The following SDK1 variants were observed in gnomAD, a reference collection of about 807,000 sequenced individuals.
SDK1 encodes sidekick cell adhesion molecule 1.
A neutral mutation model predicts 245.5 loss-of-function variants in SDK1; 157 were observed. The observed-to-expected ratio is 0.64, with a 90% CI of 0.56 to 0.73. The LOEUF is 0.73. Among genes scored for constraint, SDK1 ranks in the 30% least tolerant of loss-of-function variants. The probability of loss-of-function intolerance (pLI) is 0.00; values close to 1 mark genes in which losing one functional copy is unlikely to be tolerated. For synonymous variants in SDK1, 1,647 were observed against 1,278.5 expected, an observed-to-expected ratio of 1.29 and a Z score of -6.15; for missense variants, 3,583 against 3,002.3, an observed-to-expected ratio of 1.19 and a Z score of -4.52.
At chr7:3,678,495 C>A (rs1783979350) in intron 4 of SDK1, among the ~76,000 whole-genome samples, 1 of 152,182 alleles carries the variant, frequency 6.6e-6, no homozygotes, top group Non-Finnish European at 1.5e-5. Context: ...GAAAACTAAT[C>A]ATTCACTATG....
intron 4 of SDK1, among the ~76,000 whole-genome samples, chr7:3,674,874 A>G (rs115106396): frequency 1.3e-5 from 2 of 152,084 alleles, no homozygotes; most frequent in Non-Finnish European, 2.9e-5. Context: ...ATGCTGGTAG[A>G]CTCAAGCCAA....
At chr7:3,702,066 G>C (rs1784757021) in intron 4 of SDK1, among the ~76,000 whole-genome samples, 1 of 152,012 alleles carries the variant, frequency 6.6e-6, no homozygotes, top group African/African-American at 2.4e-5. Flanking sequence ...AAACCTCTGG[G>C]GTTTAGAACT....
chr7:3,934,688 G>A (rs887812673), intron 5 of SDK1, among the ~76,000 whole-genome samples: 3 of 152,234 alleles, frequency 2.0e-5, no homozygotes, highest in African/African-American at 7.2e-5. Flanking sequence ...AAGGAGTGGG[G>A]CCGATAAGCA....
intron 44 of SDK1, among the ~76,000 whole-genome samples, chr7:4,258,005 C>T (rs572141235): frequency 3.0e-4 from 45 of 152,328 alleles, no homozygotes; most frequent in Non-Finnish European, 4.4e-4. Flanking sequence ...GGAATCACTG[C>T]GAGTTGGACG....
intron 4 of SDK1, among the ~76,000 whole-genome samples, chr7:3,703,824 GT>G (rs1389611167): frequency 1.3e-5 from 2 of 152,020 alleles, no homozygotes; most frequent in East Asian, 3.9e-4. Context: ...ATTTGTTGTT[GT>G]TTTATTGTGT....
intron 8 of SDK1, among the ~76,000 whole-genome samples, chr7:3,960,195 A>G (rs1005555943): frequency 3.9e-5 from 6 of 152,364 alleles, no homozygotes; most frequent in Middle Eastern, 3.4e-3. Flanking sequence ...GGTTAAGTAC[A>G]GTGCCAAAGG....
At chr7:4,033,653 C>A (rs76693802) in intron 17 of SDK1, among the ~76,000 whole-genome samples, 2,608 of 152,112 alleles carry the variant, frequency 0.017, 57 homozygotes, top group African/African-American at 0.051. Flanking sequence ...TGGGCAAGCT[C>A]TATGAAACAA....
Position 4,208,254 on chromosome 7 carries a change from T to C in SDK1, c.5370T>C (p.Ser1790=). The change falls in exon 37 of 45, where the codon AGT becomes AGC. Residue 1790 remains serine, a synonymous_variant. Transcript: ENST00000404826. ...ACGCCGCCGGAGATGGACCTAAGAG[T>C]GACCCCCAGCAGGGGCGCACCCACC... The part of the protein sequence containing the change: ...AFNAAGDGPK[S]DPQQGRTHQA... 1 of 1,613,178 alleles carries C rather than the reference T, an allele frequency of 6.2e-7. No homozygotes were observed.
At chr7:3,788,210 C>T (rs1192874008) in intron 4 of SDK1, among the ~76,000 whole-genome samples, 1 of 152,204 alleles carries the variant, frequency 6.6e-6, no homozygotes, top group Non-Finnish European at 1.5e-5. Context: ...CGCCTCTCAA[C>T]AGTCATGGGT....
At chr7:3,974,100 C>T (rs1401312187) in intron 12 of SDK1, among the ~76,000 whole-genome samples, 1 of 146,276 alleles carries the variant, frequency 6.8e-6, no homozygotes, top group Non-Finnish European at 1.5e-5. Context: ...ACAAGAATTG[C>T]TTGAACCCAG....
chr7:3,448,456 T>A (rs2128590854), intron 1 of SDK1, among the ~76,000 whole-genome samples: 1 of 151,978 alleles, frequency 6.6e-6, no homozygotes, highest in African/African-American at 2.4e-5. Flanking sequence ...TTTGAAGTGG[T>A]TTAGGGTATT....
chr7:3,375,782 C>G (rs1447695220), intron 1 of SDK1, among the ~76,000 whole-genome samples: 1 of 152,164 alleles, frequency 6.6e-6, no homozygotes, highest in Admixed American at 6.5e-5. Flanking sequence ...GACGGCAGCT[C>G]TGGGAGGCAT....
Position 3,558,810 on chromosome 7 carries a change from GTC to G in SDK1, c.299-60268_299-60267del, listed in dbSNP as rs529674253. On this transcript the variant is annotated intron_variant, in intron 1 of 44. Transcript: ENST00000404826. ...TTTCTCCTCTGCTAATGACAAGGCAGTCTATATTAGAGACTGTCAAAATTATT... is the reference window on the plus strand; with the variant it reads ...TTTCTCCTCTGCTAATGACAAGGCAGTATATTAGAGACTGTCAAAATTATT... Among the ~76,000 whole-genome samples the G allele has an allele frequency of 1.6e-3, 242 of 152,324 alleles. 1 individual carries two copies. Among genetic ancestry groups the G allele is most frequent in the Non-Finnish European group, 2.7e-3 (184 of 68,030 alleles).
At chr7:4,242,785 C>G (rs1387968031) in intron 43 of SDK1, among the ~76,000 whole-genome samples, 1 of 152,186 alleles carries the variant, frequency 6.6e-6, no homozygotes, top group Non-Finnish European at 1.5e-5. Flanking sequence ...CTTCCCTTTA[C>G]TGTTTACAAA....
chr7:3,474,004 TAACCTGTAA>T (rs1781264636), intron 1 of SDK1, among the ~76,000 whole-genome samples: 1 of 151,512 alleles, frequency 6.6e-6, no homozygotes, highest in African/African-American at 2.4e-5. Context: ...CATCCACCTT[TAACCTGTAA>T]AATGAGGGTA....
At chr7:4,183,445 C>T (rs1782704943) in intron 35 of SDK1, among the ~76,000 whole-genome samples, 1 of 151,854 alleles carries the variant, frequency 6.6e-6, no homozygotes, top group Non-Finnish European at 1.5e-5. Context: ...ACCAGCCTGG[C>T]CAACATGGTG....
chr7:3,480,108 A>G (rs977473355), intron 1 of SDK1, among the ~76,000 whole-genome samples: 1 of 152,208 alleles, frequency 6.6e-6, no homozygotes. Flanking sequence ...CTTGCTGATC[A>G]TTTCGTTTTC....
At chr7:3,788,779 G>A (rs1490308727) in intron 4 of SDK1, among the ~76,000 whole-genome samples, 1 of 152,228 alleles carries the variant, frequency 6.6e-6, no homozygotes, top group African/African-American at 2.4e-5. Flanking sequence ...GGTGTGTCAA[G>A]TAGTGCTACC....
In SDK1 at chr7:3,691,000, C is replaced by G. The variant is rs147998628; in HGVS notation, c.713+48895C>G. Among the ~76,000 whole-genome samples, 484 of 152,246 alleles carry G rather than the reference C, an allele frequency of 3.2e-3. 2 individuals carry two copies. The highest frequency in any genetic ancestry group is 0.011 in the African/African-American group (459 of 41,552). On this transcript the variant is annotated intron_variant, in intron 4 of 44. Transcript: ENST00000404826. ...ATTACTCAAAGACAGTGTGTTTGCC[C>G]TCACTGGTTGATTTTGTCCTTCAAA...
Sources: allele counts gnomAD v4.1 joint callset (sites outside exome capture counted in the v4.1 genomes callset), GRCh38; gene constraint gnomAD v4.1.1; transcripts MANE v1.5; gene names NCBI Gene and HGNC (gene_info 2026-07-23, HGNC 2026-07-21).